MASTL: variants seen among roughly 807,000 people sequenced by gnomAD.
MASTL encodes the protein microtubule associated serine/threonine kinase like.
A neutral mutation model predicts 82.5 loss-of-function variants in MASTL; 54 were observed. That is an observed-to-expected ratio of 0.65 (90% CI 0.53 to 0.82). The LOEUF (loss-of-function observed/expected upper bound fraction) is 0.82, where lower values mean the gene tolerates loss of function less well. MASTL is among the 40% of genes least tolerant of loss of function. MASTL has a pLI of 0.00. For synonymous variants in MASTL, 323 were observed against 368.9 expected (o/e 0.88, Z 1.43); for missense variants, 950 against 1,047.8 (o/e 0.91, Z 1.29).
chr10:27,181,071 T>C lies in MASTL; in HGVS notation c.2380+5T>C. ...TCCAGAATATTCTGAAAAGAGGTGATTCTTTTTCTCCTATTAAGATAGTCA... is the reference window on the plus strand; with the variant it reads ...TCCAGAATATTCTGAAAAGAGGTGACTCTTTTTCTCCTATTAAGATAGTCA... On this transcript the variant is annotated splice_donor_5th_base_variant and intron_variant, in intron 10 of 11. Coordinates refer to ENST00000375940, the MANE Select transcript of MASTL (RefSeq NM_001172303.3). 1 of 1,534,008 alleles carries C rather than the reference T, an allele frequency of 6.5e-7. No homozygotes were observed. Among genetic ancestry groups the C allele is most frequent in the Admixed American group, 1.7e-5 (1 of 59,904 alleles).
At chr10:27,186,327 GTACT>G (rs2058747197) in intron 11 of MASTL, 48 bp from the exon 12 acceptor site, 1 of 1,510,320 alleles carries the variant, frequency 6.6e-7, no homozygotes, top group Admixed American at 1.7e-5. Flanking sequence ...CTGTAAAGCA[GTACT>G]TACTTAGGTA....
rs1296610968 is a variant in MASTL at position 27,158,614 on chromosome 10, A to G, written c.252A>G (p.Ala84=). Residue 84 remains alanine (A), a synonymous_variant, in exon 2 of 12, where the codon GCA becomes GCG. Transcript: ENST00000375940. ...MTHQVQAERD[A]LALSKSPFIV... ...ATCAGGTCCAAGCTGAGAGAGATGCACTGGCACTAAGCAAAAGCCCATTCA... is the reference window on the plus strand; with the variant it reads ...ATCAGGTCCAAGCTGAGAGAGATGCGCTGGCACTAAGCAAAAGCCCATTCA... The G allele has an allele frequency of 1.2e-6, 2 of 1,613,370 alleles. No homozygotes were observed. Among genetic ancestry groups the G allele is most frequent in the Non-Finnish European group, 1.7e-6 (2 of 1,179,222 alleles).
upstream of MASTL, chr10:27,155,327 C>T (rs545506238): frequency 9.9e-5 from 125 of 1,265,586 alleles, no homozygotes; most frequent in African/African-American, 1.5e-3. Flanking sequence ...GACGTCACGG[C>T]CGCGCGCGGC....
At chr10:27,158,283 G>A (rs1588645480) in intron 1 of MASTL, among the ~76,000 whole-genome samples, 1 of 152,294 alleles carries the variant, frequency 6.6e-6, no homozygotes, top group East Asian at 1.9e-4. Flanking sequence ...ACTTTGACAG[G>A]GGTATTGCTT....
At chr10:27,172,353 T>A (rs778647758) in intron 8 of MASTL, among the ~76,000 whole-genome samples, 1 of 152,178 alleles carries the variant, frequency 6.6e-6, no homozygotes, top group Non-Finnish European at 1.5e-5. Flanking sequence ...TAATGGCACC[T>A]GTCTTGCTGG....
At chr10:27,180,227 A>G (rs1402872424) in intron 9 of MASTL, among the ~76,000 whole-genome samples, 1 of 152,238 alleles carries the variant, frequency 6.6e-6, no homozygotes, top group Non-Finnish European at 1.5e-5. Context: ...AGGAAAATAC[A>G]TTGTAAGGTT....
At chr10:27,164,351 C>T (rs1004786629) in intron 4 of MASTL, among the ~76,000 whole-genome samples, 3 of 152,178 alleles carry the variant, frequency 2.0e-5, no homozygotes, top group Non-Finnish European at 2.9e-5. Context: ...GTTGCCCAAG[C>T]TGGTTTCAAA....
intron 11 of MASTL, among the ~76,000 whole-genome samples, chr10:27,182,785 CTTTT>C (rs35395419): frequency 1.4e-5 from 2 of 146,770 alleles, no homozygotes; most frequent in Non-Finnish European, 3.0e-5. Flanking sequence ...AATCTTACCT[CTTTT>C]TTTTTTTTTT....
At chr10:27,157,193 C>T (rs1482241615) in intron 1 of MASTL, among the ~76,000 whole-genome samples, 1 of 152,120 alleles carries the variant, frequency 6.6e-6, no homozygotes, top group East Asian at 1.9e-4. Flanking sequence ...ATCTTAGCTC[C>T]CCTTCACACC....
intron 9 of MASTL, among the ~76,000 whole-genome samples, chr10:27,176,989 C>T (rs890971117): frequency 4.0e-5 from 6 of 151,848 alleles, no homozygotes; most frequent in African/African-American, 1.5e-4. Context: ...GGTTTACAGG[C>T]ACCTGCCCCC....
chr10:27,168,595 TC>T (rs1260352894), intron 7 of MASTL, among the ~76,000 whole-genome samples: 1 of 152,184 alleles, frequency 6.6e-6, no homozygotes, highest in South Asian at 2.1e-4. Flanking sequence ...AGTGGGTAGA[TC>T]ACCTGAGGTC....
chr10:27,185,429 T>TC (rs1159579080), intron 11 of MASTL, among the ~76,000 whole-genome samples: 2 of 150,846 alleles, frequency 1.3e-5, no homozygotes, highest in African/African-American at 4.9e-5. Flanking sequence ...GGTCGGGAGT[T>TC]CGAGACCAGC....
chr10:27,174,945 T>C (rs1332148167), intron 9 of MASTL, among the ~76,000 whole-genome samples: 1 of 151,904 alleles, frequency 6.6e-6, no homozygotes, highest in African/African-American at 2.4e-5. Context: ...TGTTAGTTAC[T>C]TCCCTTTTCT....
Position 27,165,559 on chromosome 10 carries a change from T to C in MASTL, c.811+20T>C. 6.2e-7 allele frequency: 1 copy of C among 1,613,266 alleles called. No homozygotes were observed. The highest frequency in any genetic ancestry group is 1.1e-5 in the South Asian group (1 of 91,060). On this transcript the variant is annotated intron_variant, in intron 6 of 11. Transcript: ENST00000375940. Reference sequence around the variant, plus strand: ...AATCATGTGAGTATAAAAGAAAAGGTAGGCCAGGCGCAGAGGCTTACACCT... The same window carrying C: ...AATCATGTGAGTATAAAAGAAAAGGCAGGCCAGGCGCAGAGGCTTACACCT...
At chr10:27,169,828 G>A (rs1476790969) in intron 7 of MASTL, 116 bp from the exon 8 acceptor site, 17 of 942,484 alleles carry the variant, frequency 1.8e-5, no homozygotes, top group Non-Finnish European at 2.8e-5. Flanking sequence ...TTTGAAAGTG[G>A]CAACAGGTAG....
At position 27,182,025 on chromosome 10, in the gene MASTL, AGATTGTGCCACTGCAAT is replaced by A. The variant is rs2058343195; in HGVS notation, c.2482+445_2482+461del. Among the ~76,000 whole-genome samples, 4 of 151,368 alleles carry A rather than the reference AGATTGTGCCACTGCAAT, an allele frequency of 2.6e-5. No individual in the cohort carries two copies. In the South Asian group the frequency reaches 8.4e-4, roughly 32 times the overall value. On this transcript the variant is annotated intron_variant, in intron 11 of 11. Transcript: ENST00000375940. ...GGGAGGCAGAGCTTGCAGTGAGCCA[AGATTGTGCCACTGCAAT>A]CTAGCCTGGGCAACAGAGCGAGACT...
chr10:27,155,320 G>T, upstream of MASTL: 1 of 1,205,820 alleles, frequency 8.3e-7, no homozygotes. Context: ...GCGGGGTGAC[G>T]TCACGGCCGC....
In MASTL at chr10:27,167,152, T is replaced by G. The variant is rs1292913658; in HGVS notation, c.862T>G (p.Ser288Ala). 2 of 1,614,012 alleles carry G rather than the reference T, an allele frequency of 1.2e-6. No homozygotes were observed. Among genetic ancestry groups the G allele is most frequent in the African/African-American group, 2.7e-5 (2 of 74,952 alleles). Residue 288 changes from serine (S) to alanine (A), a missense_variant, in exon 7 of 12, where the codon TCT becomes GCT. Coordinates refer to ENST00000375940, the MANE Select transcript of MASTL (RefSeq NM_001172303.3). Reference sequence around the variant, plus strand: ...AGGAATGCCTGTGAAGTGTCTAACTTCTAATTTACTCCAGTCTAGGAAAAG... The same window carrying G: ...AGGAATGCCTGTGAAGTGTCTAACTGCTAATTTACTCCAGTCTAGGAAAAG... ...NPGMPVKCLT[S>A]NLLQSRKRLA... is the part of the protein sequence containing the mutation.
intron 7 of MASTL, among the ~76,000 whole-genome samples, chr10:27,168,680 G>C (rs2136050138): frequency 6.6e-6 from 1 of 152,222 alleles, no homozygotes; most frequent in Middle Eastern, 3.4e-3. Context: ...AACTGGGCGT[G>C]GTGGTGGGCG....
Sources: gnomAD v4.1 joint callset for allele counts (sites outside exome capture counted in the v4.1 genomes callset) on GRCh38, gnomAD v4.1.1 for gene constraint, MANE v1.5 for transcripts, NCBI Gene and HGNC (gene_info 2026-07-23, HGNC 2026-07-21) for gene names.